Variants in TRAPPC3 observed in about 807,000 individuals in gnomAD.
The protein encoded by TRAPPC3 is trafficking protein particle complex subunit 3.
TRAPPC3 carries 5 observed loss-of-function variants against 18.2 expected under a neutral mutation model. The observed-to-expected ratio is 0.28, with a 90% CI of 0.14 to 0.58. The LOEUF (loss-of-function observed/expected upper bound fraction) is 0.58, where lower values mean the gene tolerates loss of function less well. Ranked by LOEUF, TRAPPC3 falls within the 20% of genes least tolerant of loss-of-function variation. TRAPPC3 has a pLI of 0.91. For synonymous variants in TRAPPC3, 65 were observed against 84.2 expected (o/e 0.77, Z 1.25); for missense variants, 176 against 225.9 (o/e 0.78, Z 1.41).
chr1:36,137,428 G>A (rs1644041691), intron 4 of TRAPPC3, 106 bp from the exon 5 acceptor site: 2 of 1,229,968 alleles, frequency 1.6e-6, no homozygotes, highest in Middle Eastern at 2.8e-4. Flanking sequence ...AAAAAAGGGG[G>A]GCTGGTTTCC....
At chr1:36,143,242 C>T (rs1644142552) in intron 1 of TRAPPC3, among the ~76,000 whole-genome samples, 1 of 142,402 alleles carries the variant, frequency 7.0e-6, no homozygotes, top group Non-Finnish European at 1.5e-5. Flanking sequence ...GGGGCATTTA[C>T]GTGTGTGTGT....
chr1:36,145,012 A>G (rs1004259452), intron 1 of TRAPPC3, among the ~76,000 whole-genome samples: 7 of 152,148 alleles, frequency 4.6e-5, no homozygotes, highest in Non-Finnish European at 1.0e-4. Context: ...CTCCTTAAGG[A>G]GGCTGATCTT....
chr1:36,143,446 A>G (rs889684091), intron 1 of TRAPPC3, among the ~76,000 whole-genome samples: 1 of 152,210 alleles, frequency 6.6e-6, no homozygotes, highest in African/African-American at 2.4e-5. Flanking sequence ...GAGAGGAGTA[A>G]GCAAGAGAGA....
upstream of TRAPPC3, among the ~76,000 whole-genome samples, chr1:36,152,069 G>C (rs1644275539): frequency 6.6e-6 from 1 of 152,086 alleles, no homozygotes; most frequent in African/African-American, 2.4e-5. Context: ...TCTCTCCTCT[G>C]CCCCCACTGT....
intron 3 of TRAPPC3, among the ~76,000 whole-genome samples, chr1:36,138,774 T>C (rs1475969672): frequency 1.3e-5 from 2 of 152,092 alleles, no homozygotes; most frequent in African/African-American, 4.8e-5. Flanking sequence ...CTCACGCTTG[T>C]AATCCCAGCA....
chr1:36,149,907 A>G (rs1644255697), upstream of TRAPPC3, among the ~76,000 whole-genome samples: 1 of 152,200 alleles, frequency 6.6e-6, no homozygotes, highest in Non-Finnish European at 1.5e-5. Context: ...ACTAGCAATG[A>G]CTCACACAGA....
chr1:36,137,429 G>A (rs1023884796), intron 4 of TRAPPC3, 107 bp from the exon 5 acceptor site: 1 of 1,211,172 alleles, frequency 8.3e-7, no homozygotes, highest in Non-Finnish European at 1.2e-6. Flanking sequence ...AAAAAGGGGG[G>A]CTGGTTTCCC....
At chr1:36,145,773 AT>A (rs1644185679) in intron 1 of TRAPPC3, among the ~76,000 whole-genome samples, 2 of 152,006 alleles carry the variant, frequency 1.3e-5, no homozygotes, top group Non-Finnish European at 1.5e-5. Context: ...TTATTACTTC[AT>A]TTTTTTATTT....
In TRAPPC3 at chr1:36,149,415, G is replaced by A. The variant is rs201541673; in HGVS notation, c.-37C>T. 14 of 1,610,444 alleles carry A rather than the reference G, an allele frequency of 8.7e-6. No homozygotes were observed. Among genetic ancestry groups the A allele is most frequent in the Non-Finnish European group, 1.2e-5 (14 of 1,179,098 alleles). ...CCCCGCCCCACTCGCCTAGCCACGG[G>A]TTAGCTCGGCGACCCCTGCAGACGC... On this transcript the variant is annotated 5_prime_UTR_variant, in exon 1 of 5. Transcript: ENST00000373166.
At chr1:36,154,893 G>A (rs1042463831) in intron 1 of TRAPPC3, among the ~76,000 whole-genome samples, 3 of 152,080 alleles carry the variant, frequency 2.0e-5, no homozygotes, top group Non-Finnish European at 4.4e-5. Context: ...GGGCCAGAGG[G>A]GACACTATTC....
intron 2 of TRAPPC3, 121 bp downstream of exon 2, chr1:36,139,948 A>C: frequency 1.3e-6 from 2 of 1,483,090 alleles, no homozygotes; most frequent in South Asian, 1.3e-5. Flanking sequence ...TTTAGTGAGA[A>C]ATGTACCCAA....
At chr1:36,151,613 AAAC>A (rs760973469), upstream of TRAPPC3, among the ~76,000 whole-genome samples, 33 of 151,910 alleles carry the variant, frequency 2.2e-4, no homozygotes, top group African/African-American at 6.0e-4. Flanking sequence ...CCTTGTCTCA[AAAC>A]AACAACAACA....
At chr1:36,145,515 C>T (rs1022344029) in intron 1 of TRAPPC3, among the ~76,000 whole-genome samples, 1 of 152,168 alleles carries the variant, frequency 6.6e-6, no homozygotes, top group Admixed American at 6.5e-5. Context: ...AATGGCTCAC[C>T]TGAGCTCAGG....
At position 36,137,104 on chromosome 1, in the gene TRAPPC3, C is replaced by T; in HGVS notation, c.*99G>A. ...ACAGGTTATAAGAATATATAACATC[C>T]ATGTTCAAGAGTCACTGAGTTCTGG... On this transcript the variant is annotated 3_prime_UTR_variant, in exon 5 of 5. Coordinates refer to ENST00000373166, the MANE Select transcript of TRAPPC3 (RefSeq NM_014408.5). The T allele has an allele frequency of 7.3e-7, 1 of 1,365,092 alleles. No homozygotes were observed. Among genetic ancestry groups the T allele is most frequent in the Non-Finnish European group, 1.0e-6 (1 of 986,388 alleles). The allele number at this position is 1,365,092 out of a possible 1,614,324, so 84.6% of individuals were successfully genotyped here.
upstream of TRAPPC3, among the ~76,000 whole-genome samples, chr1:36,152,335 T>C (rs1434340426): frequency 6.8e-6 from 1 of 147,884 alleles, no homozygotes; most frequent in African/African-American, 2.5e-5. Flanking sequence ...TTTGAGAGAG[T>C]CTTGCTCCGT....
chr1:36,138,021 G>T (rs1373123931), intron 3 of TRAPPC3, 43 bp from the exon 4 acceptor site: 1 of 1,610,842 alleles, frequency 6.2e-7, no homozygotes, highest in South Asian at 1.1e-5. Context: ...AGAGCAGCAG[G>T]AACTGTACCA....
At chr1:36,138,419 A>G (rs980800863) in intron 3 of TRAPPC3, among the ~76,000 whole-genome samples, 1 of 152,054 alleles carries the variant, frequency 6.6e-6, no homozygotes, top group African/African-American at 2.4e-5. Flanking sequence ...GGCAGAGAAA[A>G]AGTCCTACCC....
At chr1:36,143,813 A>C (rs1484638927) in intron 1 of TRAPPC3, among the ~76,000 whole-genome samples, 1 of 152,244 alleles carries the variant, frequency 6.6e-6, no homozygotes, top group East Asian at 1.9e-4. Flanking sequence ...GCCACTGCTT[A>C]ATCTTCCTGA....
intron 1 of TRAPPC3, among the ~76,000 whole-genome samples, chr1:36,148,031 C>A (rs1180534509): frequency 6.6e-6 from 1 of 152,190 alleles, no homozygotes; most frequent in Non-Finnish European, 1.5e-5. Context: ...ACATTTTACA[C>A]CATCCCATTT....
Sources: gnomAD v4.1 joint callset for allele counts (sites outside exome capture counted in the v4.1 genomes callset) on GRCh38, gnomAD v4.1.1 for gene constraint, MANE v1.5 for transcripts, NCBI Gene and HGNC (gene_info 2026-07-23, HGNC 2026-07-21) for gene names.